The following SLC7A9 variants were observed in gnomAD, a reference collection of about 807,000 sequenced individuals.
SLC7A9 encodes B(0,+)-type amino acid transporter 1.
SLC7A9 carries 38 observed loss-of-function variants against 54.1 expected under a neutral mutation model. That is an observed-to-expected ratio of 0.70 (90% confidence interval 0.54 to 0.92). SLC7A9 has a LOEUF of 0.92. SLC7A9 is among the 40% of genes least tolerant of loss of function. The pLI is 0.00. For missense variants in SLC7A9, 537 were observed against 636.1 expected (o/e 0.84, Z 1.68); for synonymous variants, 264 against 258.9 (o/e 1.02, Z -0.19).
At chr19:32,868,056 C>T (rs1369057595) in intron 2 of SLC7A9, among the ~76,000 whole-genome samples, 1 of 151,488 alleles carries the variant, frequency 6.6e-6, no homozygotes, top group African/African-American at 2.4e-5. Flanking sequence ...CATGGTGAAA[C>T]CCTGTCTCTA....
chr19:32,834,210 T>C (rs1234139985), intron 11 of SLC7A9, among the ~76,000 whole-genome samples: 1 of 152,190 alleles, frequency 6.6e-6, no homozygotes, highest in Non-Finnish European at 1.5e-5. Context: ...AAAAGCCTCT[T>C]TGTTTTCTGG....
intron 9 of SLC7A9, among the ~76,000 whole-genome samples, chr19:32,849,365 C>G (rs1216800216): frequency 5.3e-5 from 8 of 152,026 alleles, no homozygotes; most frequent in African/African-American, 1.9e-4. Flanking sequence ...ACCGATCCCA[C>G]AGAAATACAA....
chr19:32,853,831 C>T (rs183948416), intron 9 of SLC7A9, among the ~76,000 whole-genome samples: 1 of 150,442 alleles, frequency 6.6e-6, no homozygotes, highest in Non-Finnish European at 1.5e-5. Flanking sequence ...GCATGAGAAT[C>T]GCTTGAACCT....
At chr19:32,832,602 AAAGAAAG>A (rs1967834823) in intron 12 of SLC7A9, among the ~76,000 whole-genome samples, 1 of 142,332 alleles carries the variant, frequency 7.0e-6, no homozygotes, top group African/African-American at 2.7e-5. Flanking sequence ...AAAAAAAAAA[AAAGAAAG>A]AAAGAAAGAA....
Position 32,833,315 on chromosome 19 carries a change from T to TACGG in SLC7A9, c.1229_1232dup (p.Val412ArgfsTer77). ...TGAGTGTCATCAAGACGGGAATGAC[T>TACGG]ACGGGCACCTGGAGACGAAAAACAG... On this transcript the variant is annotated frameshift_variant, in exon 12 of 13. Coordinates refer to ENST00000023064, the MANE Select transcript of SLC7A9 (RefSeq NM_014270.5). LOFTEE classifies it high-confidence loss of function. 1 of 1,614,182 alleles carries TACGG rather than the reference T, an allele frequency of 6.2e-7. No individual in the cohort carries two copies. Among genetic ancestry groups the TACGG allele is most frequent in the Non-Finnish European group, 8.5e-7 (1 of 1,180,022 alleles).
intron 2 of SLC7A9, among the ~76,000 whole-genome samples, chr19:32,867,929 CAA>C (rs57446079): frequency 3.2e-3 from 208 of 66,004 alleles, no homozygotes; most frequent in East Asian, 0.018. Context: ...GACTCTGTCT[CAA>C]AAAAAAAAAA....
At chr19:32,855,692 A>G (rs1968607133) in intron 9 of SLC7A9, among the ~76,000 whole-genome samples, 3 of 149,990 alleles carry the variant, frequency 2.0e-5, no homozygotes, top group Non-Finnish European at 4.5e-5. Flanking sequence ...ACAGAGCAAG[A>G]CTCCGTCTCA....
At chr19:32,846,896 A>C (rs1013223766) in intron 9 of SLC7A9, among the ~76,000 whole-genome samples, 5 of 152,240 alleles carry the variant, frequency 3.3e-5, no homozygotes, top group Non-Finnish European at 7.3e-5. Flanking sequence ...GCTGTTCTGC[A>C]GCCACTGCTG....
In SLC7A9 at chr19:32,833,326, G is replaced by A; in HGVS notation, c.1225-3C>T. 6.2e-7 allele frequency: 1 copy of A among 1,614,080 alleles called. No individual in the cohort carries two copies. The highest frequency in any genetic ancestry group is 8.5e-7 in the Non-Finnish European group (1 of 1,179,984). ...AAGACGGGAATGACTACGGGCACCT[G>A]GAGACGAAAAACAGGTCATGGGTAC... On this transcript the variant is annotated splice_polypyrimidine_tract_variant and splice_region_variant and intron_variant, in intron 11 of 12. Coordinates refer to ENST00000023064, the MANE Select transcript of SLC7A9 (RefSeq NM_014270.5).
At chr19:32,845,215 C>G (rs368049407) in intron 9 of SLC7A9, among the ~76,000 whole-genome samples, 2 of 152,088 alleles carry the variant, frequency 1.3e-5, no homozygotes, top group African/African-American at 4.8e-5. Context: ...GGAGCCTGAG[C>G]TGGGCATGGT....
intron 6 of SLC7A9, 43 bp from the exon 7 acceptor site, chr19:32,860,693 T>G (rs773347847): frequency 4.5e-5 from 73 of 1,612,472 alleles, no homozygotes; most frequent in Non-Finnish European, 7.6e-6. Context: ...CTTGACTTTC[T>G]TTTTCGATAA....
rs546652747 is a variant in SLC7A9 at position 32,843,966 on chromosome 19, C to G, written c.978-15G>C. ...CGTAAATGAGTCTGGAAAATAACGACACGGGAGTCCGCTGACCAGAGTGCA... is the reference window on the plus strand; with the variant it reads ...CGTAAATGAGTCTGGAAAATAACGAGACGGGAGTCCGCTGACCAGAGTGCA... On this transcript the variant is annotated splice_polypyrimidine_tract_variant and intron_variant, in intron 9 of 12. Coordinates refer to ENST00000023064, the MANE Select transcript of SLC7A9 (RefSeq NM_014270.5). 6.3e-7 allele frequency: 1 copy of G among 1,588,290 alleles called. No homozygotes were observed. The highest frequency in any genetic ancestry group is 1.3e-5 in the African/African-American group (1 of 74,440).
intron 9 of SLC7A9, among the ~76,000 whole-genome samples, chr19:32,857,544 C>A (rs374508180): frequency 1.2e-4 from 18 of 152,274 alleles, no homozygotes; most frequent in African/African-American, 4.3e-4. Flanking sequence ...GGAGGCCTAG[C>A]ACTACATGTA....
At chr19:32,860,366 G>A in intron 7 of SLC7A9, 1 of 1,340,894 alleles carries the variant, frequency 7.5e-7, no homozygotes, top group Non-Finnish European at 9.8e-7. Context: ...AGACCAGCCT[G>A]GCCAACATGG....
chr19:32,841,949 G>A (rs1026185225), intron 11 of SLC7A9, among the ~76,000 whole-genome samples: 5 of 152,114 alleles, frequency 3.3e-5, no homozygotes, highest in Non-Finnish European at 7.4e-5. Context: ...TTACAGAGAC[G>A]GGCCACAGGT....
At chr19:32,853,377 C>T (rs1279343513) in intron 9 of SLC7A9, among the ~76,000 whole-genome samples, 1 of 151,964 alleles carries the variant, frequency 6.6e-6, no homozygotes, top group Non-Finnish European at 1.5e-5. Context: ...TTTGTACAGC[C>T]TTATAAATTT....
Position 32,868,444 on chromosome 19 carries a change from T to G in SLC7A9, c.87+4A>C. ...AGGGCCTGCCCCACCAGAGACCGCC[T>G]TACCTCCTTTTGGAGACTGGTGGTC... On this transcript the variant is annotated splice_donor_region_variant and intron_variant, in intron 2 of 12. Coordinates refer to ENST00000023064, the MANE Select transcript of SLC7A9 (RefSeq NM_014270.5). 1 of 1,613,210 alleles carries G rather than the reference T, an allele frequency of 6.2e-7. No homozygotes were observed. Among genetic ancestry groups the G allele is most frequent in the East Asian group, 2.2e-5 (1 of 44,866 alleles).
intron 11 of SLC7A9, among the ~76,000 whole-genome samples, chr19:32,838,862 A>G (rs1968048302): frequency 6.7e-6 from 1 of 149,874 alleles, no homozygotes; most frequent in Non-Finnish European, 1.5e-5. Flanking sequence ...TATAGTACAC[A>G]TATATGTATA....
intron 12 of SLC7A9, among the ~76,000 whole-genome samples, chr19:32,831,693 A>G (rs779514452): frequency 6.6e-6 from 1 of 152,264 alleles, no homozygotes; most frequent in African/African-American, 2.4e-5. Flanking sequence ...CTAAACTTTT[A>G]AACAACTGTC....
Sources: gnomAD v4.1 joint callset for allele counts (sites outside exome capture counted in the v4.1 genomes callset) on GRCh38, gnomAD v4.1.1 for gene constraint, MANE v1.5 for transcripts, NCBI Gene and HGNC (gene_info 2026-07-23, HGNC 2026-07-21) for gene names.